RREB1: variants seen among roughly 807,000 people sequenced by gnomAD.
RREB1 encodes the protein ras-responsive element-binding protein 1.
RREB1 carries 27 observed loss-of-function variants against 117.8 expected under a neutral mutation model. That is an observed-to-expected ratio of 0.23 (90% CI 0.17 to 0.32). The LOEUF is 0.32. Ranked by LOEUF, RREB1 falls within the 10% of genes least tolerant of loss-of-function variation. The pLI, the probability that RREB1 is intolerant of heterozygous loss-of-function variation, is 1.00. For missense variants in RREB1, 2,577 were observed against 2,378.2 expected, an observed-to-expected ratio of 1.08 and a Z score of -1.74; for synonymous variants, 1,298 against 1,026.7, an observed-to-expected ratio of 1.26 and a Z score of -5.05.
At chr6:7,171,750 G>A (rs888007572) in intron 1 of RREB1, among the ~76,000 whole-genome samples, 3 of 152,158 alleles carry the variant, frequency 2.0e-5, no homozygotes, top group African/African-American at 7.2e-5. Flanking sequence ...GGAACCACGA[G>A]CCATGGGTCA....
At chr6:7,152,844 G>A (rs1357039926) in intron 1 of RREB1, among the ~76,000 whole-genome samples, 9 of 152,214 alleles carry the variant, frequency 5.9e-5, no homozygotes, top group Admixed American at 3.9e-4. Flanking sequence ...GAGAATTCTA[G>A]CAGGAAATTC....
intron 7 of RREB1, 44 bp from the exon 8 acceptor site, chr6:7,211,529 A>ATG: frequency 6.3e-7 from 1 of 1,599,020 alleles, no homozygotes; most frequent in Non-Finnish European, 8.6e-7. Flanking sequence ...AAGCCATCCC[A>ATG]TGTGGGAGAC....
At chr6:7,176,400 TG>T (rs1233032428) in intron 1 of RREB1, among the ~76,000 whole-genome samples, 1 of 152,170 alleles carries the variant, frequency 6.6e-6, no homozygotes, top group Non-Finnish European at 1.5e-5. Context: ...GTGCTGCCCT[TG>T]ACGTTATTGG....
At chr6:7,175,373 G>C (rs932462924) in intron 1 of RREB1, among the ~76,000 whole-genome samples, 1 of 151,046 alleles carries the variant, frequency 6.6e-6, no homozygotes, top group African/African-American at 2.4e-5. Flanking sequence ...GGGGTGGGAT[G>C]GGGGGGGTAT....
At chr6:7,212,756 A>C (rs1398126756) in intron 8 of RREB1, 1 of 152,176 alleles carries the variant, frequency 6.6e-6, no homozygotes, top group Non-Finnish European at 1.5e-5. Flanking sequence ...TCTTGAAGAC[A>C]CATGTTTAGC....
intron 1 of RREB1, among the ~76,000 whole-genome samples, chr6:7,124,271 T>C (rs1052959334): frequency 2.0e-5 from 3 of 152,200 alleles, no homozygotes; most frequent in African/African-American, 7.2e-5. Flanking sequence ...TGTGTTCCTT[T>C]TGTGGTGTGC....
chr6:7,188,055 G>A (rs569819724), intron 5 of RREB1, among the ~76,000 whole-genome samples: 1 of 152,250 alleles, frequency 6.6e-6, no homozygotes, highest in South Asian at 2.1e-4. Flanking sequence ...TGTAATCCCA[G>A]TTACTTGGGA....
At chr6:7,113,458 T>A (rs1201552488) in intron 1 of RREB1, among the ~76,000 whole-genome samples, 1 of 152,176 alleles carries the variant, frequency 6.6e-6, no homozygotes, top group Non-Finnish European at 1.5e-5. Flanking sequence ...TTCTAGGACT[T>A]AGTTAATTTC....
chr6:7,126,260 A>T (rs1205428755), intron 1 of RREB1, among the ~76,000 whole-genome samples: 1 of 151,654 alleles, frequency 6.6e-6, no homozygotes, highest in Non-Finnish European at 1.5e-5. Context: ...TTGGCCTCCC[A>T]AAGTGCTGGG....
chr6:7,214,280 T>C (rs973661332), intron 8 of RREB1: 2 of 152,286 alleles, frequency 1.3e-5, no homozygotes, highest in African/African-American at 4.8e-5. Flanking sequence ...TGTTTACTAA[T>C]AATGCCCTGT....
rs371242954 is a variant in RREB1, at chr6:7,178,452, A to G, written c.-166+1679A>G. On this transcript the variant is annotated intron_variant, in intron 2 of 12. Transcript: ENST00000379938. ...GCTTGCTCTGGTTCGATGATCTTGT[A>G]GAAGAGCCCGCATGTTATGGTGGGT... Among the ~76,000 whole-genome samples the G allele has an allele frequency of 2.2e-4, 33 of 152,328 alleles. 2 individuals carry two copies. The East Asian group carries it at 2.3e-3, about 11-fold the overall frequency.
chr6:7,108,101 G>C (rs1039826577), intron 1 of RREB1, 41 bp downstream of exon 1: 2 of 152,266 alleles, frequency 1.3e-5, no homozygotes, highest in African/African-American at 4.8e-5. Context: ...GTACGCCGGC[G>C]GCAGCGAGAA....
intron 10 of RREB1, among the ~76,000 whole-genome samples, chr6:7,236,331 T>A (rs1768315266): frequency 6.6e-6 from 1 of 152,202 alleles, no homozygotes. Context: ...ATGGGTGCTT[T>A]GAGCGCCTTT....
intron 8 of RREB1, among the ~76,000 whole-genome samples, chr6:7,221,861 T>C (rs989163075): frequency 1.3e-5 from 2 of 152,220 alleles, no homozygotes; most frequent in African/African-American, 2.4e-5. Flanking sequence ...AAAACTCAGG[T>C]TTTCCTGATT....
chr6:7,230,796 C>G lies in RREB1; in HGVS notation c.2697C>G (p.Pro899=), dbSNP rs150166409. The change falls in exon 10 of 13, where the codon CCC becomes CCG. Residue 899 remains proline (P), a synonymous_variant. Transcript: ENST00000379938. ...GCTTTGCGGTGGACTTCAATGAGCC[C>G]CTGGACTTCTCGCAGAAGGGCCTGG... ...ASSFAVDFNE[P]LDFSQKGLAL... The G allele has an allele frequency of 6.2e-7, 1 of 1,614,120 alleles. No individual in the cohort carries two copies.
rs761305603 is a variant in RREB1 at position 7,189,171 on chromosome 6, A to T, written c.274A>T (p.Thr92Ser). Reference sequence around the variant, plus strand: ...TTGCTTTCTGCAGCACAACACAGACACTGGAGGAGCCGACCACTCATGCAG... The same window carrying T: ...TTGCTTTCTGCAGCACAACACAGACTCTGGAGGAGCCGACCACTCATGCAG... ...TMHIRQHNTD[T>S]GGADHSCSIC... Residue 92 changes from threonine to serine, a missense_variant, in exon 6 of 13, where the codon ACT becomes TCT. Thr to Ser is a moderately conservative substitution (Grantham distance 58). Coordinates refer to ENST00000379938, the MANE Select transcript of RREB1 (RefSeq NM_001003699.4). The T allele has an allele frequency of 6.2e-7, 1 of 1,613,134 alleles. No homozygotes were observed. Among genetic ancestry groups the T allele is most frequent in the South Asian group, 1.1e-5 (1 of 91,044 alleles).
In RREB1 at chr6:7,188,226, CGT is replaced by C. The variant is rs149501678; in HGVS notation, c.261+729_261+730del. On this transcript the variant is annotated intron_variant, in intron 5 of 12. Transcript: ENST00000379938. ...TAAAATAGAATCGCTCCCCCCCACA[CGT>C]GTGTGTGTGTGTGTGTGTGTGTGTG... is the stretch of plus-strand genomic sequence containing the variant. 6.7e-3 allele frequency among the ~76,000 whole-genome samples: 994 copies of C among 149,400 alleles called. 9 individuals carry two copies. Among genetic ancestry groups the C allele is most frequent in the East Asian group, 0.023 (117 of 5,052 alleles).
chr6:7,224,037 T>TA (rs1767441735), intron 8 of RREB1, among the ~76,000 whole-genome samples: 1 of 56,438 alleles, frequency 1.8e-5, no homozygotes, highest in South Asian at 3.3e-4. Flanking sequence ...GGACAGAATA[T>TA]TTTTTTTTTA....
At chr6:7,223,438 G>A (rs1005905932) in intron 8 of RREB1, among the ~76,000 whole-genome samples, 2 of 151,584 alleles carry the variant, frequency 1.3e-5, no homozygotes, top group African/African-American at 2.4e-5. Flanking sequence ...GCGCATGCCT[G>A]TAATCCTAGC....
Sources: gnomAD v4.1 joint callset for allele counts (sites outside exome capture counted in the v4.1 genomes callset) on GRCh38, gnomAD v4.1.1 for gene constraint, MANE v1.5 for transcripts, NCBI Gene and HGNC (gene_info 2026-07-23, HGNC 2026-07-21) for gene names.